The following DMD variants were observed in gnomAD, a reference collection of about 807,000 sequenced individuals.
DMD encodes mutant dystrophin.
DMD carries 63 observed loss-of-function variants against 330.1 expected under a neutral mutation model. The observed-to-expected ratio is 0.19, with a 90% CI of 0.16 to 0.24. DMD has a LOEUF of 0.24. Ranked by LOEUF, DMD falls within the 10% of genes least tolerant of loss-of-function variation. The pLI, the probability that DMD is intolerant of heterozygous loss-of-function variation, is 1.00. For missense variants in DMD, 3,344 were observed against 2,684.1 expected (o/e 1.25, Z -5.43); for synonymous variants, 1,223 against 959.8 (o/e 1.27, Z -5.07).
At chrX:31,342,196 C>G (rs763282913) in intron 61 of DMD, among the ~76,000 whole-genome samples, 1 of 111,807 alleles carries the variant, frequency 8.9e-6, no homozygotes, top group Non-Finnish European at 1.9e-5. Flanking sequence ...GGGCTGGGAA[C>G]TTCAGTAAAG....
rs186191399 is a variant in DMD at position 32,347,064 on chromosome X, G to T, written c.5449-984C>A. On this transcript the variant is annotated intron_variant, in intron 38 of 78. Transcript: ENST00000357033. ...GATGTTATATATTTAAATCTATAAT[G>T]CATAAACTTCAACACGCAACTGAGG... 1.2e-4 allele frequency among the ~76,000 whole-genome samples: 13 copies of T among 111,596 alleles called. 1 individual carries two copies. The East Asian group carries it at 3.4e-3, about 29-fold the overall frequency.
intron 26 of DMD, among the ~76,000 whole-genome samples, chrX:32,454,138 C>T (rs995318365): frequency 1.1e-4 from 12 of 110,943 alleles, no homozygotes; most frequent in African/African-American, 1.6e-4. Context: ...CAGTTTCCTT[C>T]GTAATAAGTC....
chrX:31,275,900 T>A (rs1425475706), intron 62 of DMD, among the ~76,000 whole-genome samples: 1 of 112,269 alleles, frequency 8.9e-6, no homozygotes, highest in Non-Finnish European at 1.9e-5. Flanking sequence ...TATTTGTGTA[T>A]ATACTATGTA....
rs148586617 is a variant in DMD, at chrX:32,304,116, A to T, written c.6117+5966T>A. Among the ~76,000 whole-genome samples the T allele has an allele frequency of 9.5e-3, 1,053 of 111,375 alleles. 2 individuals carry two copies. Among genetic ancestry groups the T allele is most frequent in the Middle Eastern group, 0.023 (5 of 217 alleles). On this transcript the variant is annotated intron_variant, in intron 42 of 78. Coordinates refer to ENST00000357033, the MANE Select transcript of DMD (RefSeq NM_004006.3). The stretch of plus-strand genomic sequence containing the variant: ...ATGCATTGTCTTTGCATAAATAACG[A>T]ATCAGTAATTATATATCACACATAA...
intron 1 of DMD, among the ~76,000 whole-genome samples, chrX:33,135,048 A>T (rs2095518740): frequency 8.9e-6 from 1 of 112,120 alleles, no homozygotes; most frequent in Non-Finnish European, 1.9e-5. Flanking sequence ...TAGTTTCTTC[A>T]TATCACCTAC....
chrX:31,435,241 T>TAA (rs1206830243), intron 60 of DMD, among the ~76,000 whole-genome samples: 1 of 112,122 alleles, frequency 8.9e-6, no homozygotes. Flanking sequence ...AAGTGCTAGG[T>TAA]AAGTTCTCAC....
At position 32,863,509 on chromosome X, in the gene DMD, C is replaced by CAAAAAAAAAAAAAAAAA. The variant is rs544421635; in HGVS notation, c.94-13690_94-13689insTTTTTTTTTTTTTTTTT. Reference sequence around the variant, plus strand: ...TGGGTGGCAGAGTGAGACTCCGTCTCAAAAAAAAAAAAAAAAGATTGTGTT... The same window carrying CAAAAAAAAAAAAAAAAA: ...TGGGTGGCAGAGTGAGACTCCGTCTCAAAAAAAAAAAAAAAAAAAAAAAAAAAAAAAAAGATTGTGTT... On this transcript the variant is annotated intron_variant, in intron 2 of 78. Transcript: ENST00000357033. Among the ~76,000 whole-genome samples, 3 of 49,058 alleles carry CAAAAAAAAAAAAAAAAA rather than the reference C, an allele frequency of 6.1e-5. 1 individual carries two copies. The highest frequency in any genetic ancestry group is 3.8e-4 in the African/African-American group (3 of 7,809). The allele number at this position is 49,058 out of a possible 115,157, so 42.6% of individuals were successfully genotyped here.
At chrX:31,792,496 G>A (rs749926113) in intron 50 of DMD, among the ~76,000 whole-genome samples, 77 of 112,128 alleles carry the variant, frequency 6.9e-4, no homozygotes, top group Non-Finnish European at 1.1e-3. Flanking sequence ...GTTTTCTGTC[G>A]TGTCTTTGAT....
At chrX:32,307,167 G>GA in intron 42 of DMD, among the ~76,000 whole-genome samples, 1 of 111,249 alleles carries the variant, frequency 9.0e-6, no homozygotes, top group East Asian at 2.8e-4. Flanking sequence ...ATGTCTTTGG[G>GA]AATGATCCAA....
At chrX:32,009,291 T>G (rs758560342) in intron 44 of DMD, among the ~76,000 whole-genome samples, 1 of 111,616 alleles carries the variant, frequency 9.0e-6, no homozygotes, top group South Asian at 3.8e-4. Context: ...TAAGTTGCTT[T>G]CCAAGTTCAT....
At chrX:32,095,962 T>G (rs184423966) in intron 44 of DMD, among the ~76,000 whole-genome samples, 8 of 110,944 alleles carry the variant, frequency 7.2e-5, no homozygotes, top group African/African-American at 2.6e-4. Context: ...ACATGCAGGT[T>G]AGTTACACAC....
chrX:32,741,888 A>C (rs778683709), intron 7 of DMD, among the ~76,000 whole-genome samples: 14 of 112,239 alleles, frequency 1.2e-4, no homozygotes, highest in African/African-American at 4.5e-4. Flanking sequence ...GTTAGGCAAA[A>C]GTTGAAGCCG....
chrX:32,408,043 T>C (rs970550498), intron 30 of DMD, among the ~76,000 whole-genome samples: 2 of 108,562 alleles, frequency 1.8e-5, no homozygotes, highest in Non-Finnish European at 3.8e-5. Flanking sequence ...TTAATGGGTG[T>C]AGCACACCAA....
At position 31,364,548 on chromosome X, in the gene DMD, G is replaced by A. The variant is rs183657724; in HGVS notation, c.9085-15914C>T. Among the ~76,000 whole-genome samples the A allele has an allele frequency of 8.0e-5, 9 of 112,038 alleles. No homozygotes were observed. The East Asian group carries it at 2.5e-3, about 32-fold the overall frequency. On this transcript the variant is annotated intron_variant, in intron 60 of 78. Coordinates refer to ENST00000357033, the MANE Select transcript of DMD (RefSeq NM_004006.3). ...GCCTAATATACTTTATAATAAAGGGGAAACTACAGAAACATTTAAGAAAAT... is the reference window on the plus strand; with the variant it reads ...GCCTAATATACTTTATAATAAAGGGAAAACTACAGAAACATTTAAGAAAAT...
chrX:31,634,258 G>A (rs1160712947), intron 54 of DMD, among the ~76,000 whole-genome samples: 2 of 111,663 alleles, frequency 1.8e-5, no homozygotes, highest in Admixed American at 9.6e-5. Context: ...CTGGTTTGCC[G>A]TTCACCAACA....
intron 48 of DMD, among the ~76,000 whole-genome samples, chrX:31,858,915 G>C (rs1176669977): frequency 3.6e-5 from 4 of 111,612 alleles, no homozygotes; most frequent in African/African-American, 1.3e-4. Flanking sequence ...TTTTTGGAAG[G>C]CATCCTTATA....
At chrX:32,613,034 G>A (rs1189658640) in intron 12 of DMD, among the ~76,000 whole-genome samples, 2 of 111,634 alleles carry the variant, frequency 1.8e-5, no homozygotes, top group African/African-American at 6.5e-5. Context: ...GGCAGATTTC[G>A]AAGGTATGAG....
chrX:31,372,114 AAAGGTTGCAAACGGCTTAG>A (rs1307450648), intron 60 of DMD, among the ~76,000 whole-genome samples: 4 of 111,548 alleles, frequency 3.6e-5, no homozygotes, highest in Non-Finnish European at 7.5e-5. Flanking sequence ...TTGTCTCTCC[AAAGGTTGCAAACGGCTTAG>A]GGGCAGAGAC....
At chrX:33,018,944 C>T (rs746734006) in intron 2 of DMD, among the ~76,000 whole-genome samples, 1 of 111,579 alleles carries the variant, frequency 9.0e-6, no homozygotes, top group African/African-American at 3.2e-5. Flanking sequence ...TTTCTGTTTA[C>T]GTCTGTAATA....
Sources: gnomAD v4.1 joint callset for allele counts (sites outside exome capture counted in the v4.1 genomes callset) on GRCh38, gnomAD v4.1.1 for gene constraint, MANE v1.5 for transcripts, NCBI Gene and HGNC (gene_info 2026-07-23, HGNC 2026-07-21) for gene names.